The following LAPTM4B variants were observed in gnomAD, a reference collection of about 807,000 sequenced individuals.
LAPTM4B encodes lysosomal-associated transmembrane protein 4B.
Under a neutral mutation model 28.5 loss-of-function variants are expected in LAPTM4B, and 26 were observed. That is an observed-to-expected ratio of 0.91 (90% confidence interval 0.67 to 1.27). The LOEUF (loss-of-function observed/expected upper bound fraction) is 1.27, where lower values mean the gene tolerates loss of function less well. Ranked by LOEUF, LAPTM4B falls within the 50% of genes most tolerant of loss-of-function variation. The pLI is 0.00. For synonymous variants in LAPTM4B, 109 were observed against 106.4 expected (o/e 1.02, Z -0.15); for missense variants, 288 against 285.8 (o/e 1.01, Z -0.06).
At chr8:97,838,785 G>A (rs1432728782) in intron 6 of LAPTM4B, among the ~76,000 whole-genome samples, 1 of 152,178 alleles carries the variant, frequency 6.6e-6, no homozygotes, top group East Asian at 1.9e-4. Flanking sequence ...TTTAAAAGCA[G>A]TGGGATTTTC....
intron 6 of LAPTM4B, among the ~76,000 whole-genome samples, chr8:97,841,348 A>T (rs544418093): frequency 1.2e-3 from 187 of 152,272 alleles, no homozygotes; most frequent in Non-Finnish European, 1.1e-3. Flanking sequence ...TTTTTTTGAG[A>T]TGGAGTTTCA....
At chr8:97,801,335 A>G (rs1816676800) in intron 1 of LAPTM4B, among the ~76,000 whole-genome samples, 1 of 151,792 alleles carries the variant, frequency 6.6e-6, no homozygotes, top group Non-Finnish European at 1.5e-5. Context: ...GCACACACTA[A>G]CATGTCCAGC....
intron 6 of LAPTM4B, among the ~76,000 whole-genome samples, chr8:97,849,955 A>C (rs1817497943): frequency 6.6e-6 from 1 of 151,854 alleles, no homozygotes; most frequent in Admixed American, 6.5e-5. Context: ...GGCTCCCGGG[A>C]ACGGCTTCCC....
At chr8:97,843,540 G>A (rs896821754) in intron 6 of LAPTM4B, among the ~76,000 whole-genome samples, 2 of 152,126 alleles carry the variant, frequency 1.3e-5, no homozygotes, top group African/African-American at 4.8e-5. Flanking sequence ...CGTTTGGGGA[G>A]GCTGAAGCGA....
rs1816195487 is a variant in LAPTM4B, at chr8:97,775,816, G to T, written c.-194G>T. 1.1e-5 allele frequency: 17 copies of T among 1,565,276 alleles called. No individual in the cohort carries two copies. Among genetic ancestry groups the T allele is most frequent in the Non-Finnish European group, 1.4e-5 (16 of 1,162,284 alleles). ...CCCGCCGCTGCAGCGGTCGCCTTCG[G>T]AGCGAAGGGTACCGACCCGGCAGAA... On this transcript the variant is annotated 5_prime_UTR_variant, in exon 1 of 7. Coordinates refer to ENST00000521545, the MANE Select transcript of LAPTM4B (RefSeq NM_018407.6).
At chr8:97,807,020 G>A (rs759278941) in intron 2 of LAPTM4B, among the ~76,000 whole-genome samples, 1 of 152,050 alleles carries the variant, frequency 6.6e-6, no homozygotes, top group Non-Finnish European at 1.5e-5. Context: ...TGATTCTGAG[G>A]CCTCCCCAGC....
At chr8:97,828,805 C>T (rs890945570) in intron 6 of LAPTM4B, among the ~76,000 whole-genome samples, 2 of 152,166 alleles carry the variant, frequency 1.3e-5, no homozygotes, top group Admixed American at 6.5e-5. Context: ...ATAGAAGTTG[C>T]AAGGCCTGCT....
chr8:97,822,594 A>G (rs1028184805), intron 5 of LAPTM4B, among the ~76,000 whole-genome samples: 5 of 151,404 alleles, frequency 3.3e-5, no homozygotes, highest in African/African-American at 1.2e-4. Flanking sequence ...GTTCATCATT[A>G]CTAGTCATAT....
intron 6 of LAPTM4B, among the ~76,000 whole-genome samples, chr8:97,845,093 T>C (rs750941315): frequency 3.9e-5 from 6 of 152,208 alleles, no homozygotes; most frequent in Non-Finnish European, 8.8e-5. Flanking sequence ...TAGTCTGCTT[T>C]GCTAGTTGCT....
Position 97,802,535 on chromosome 8 carries a change from C to T in LAPTM4B, c.100-2818C>T, listed in dbSNP as rs570574036. 6.9e-4 allele frequency among the ~76,000 whole-genome samples: 105 copies of T among 152,162 alleles called. 1 individual carries two copies. In the South Asian group the frequency reaches 0.019, roughly 28 times the overall value. On this transcript the variant is annotated intron_variant, in intron 1 of 6. Coordinates refer to ENST00000521545, the MANE Select transcript of LAPTM4B (RefSeq NM_018407.6). ...CATCTTGGTTTTGATGGGTTTTGGC[C>T]GGCGTCTTTACCATCACCTGTTTTA...
chr8:97,782,942 A>AT (rs1387212764), intron 1 of LAPTM4B, among the ~76,000 whole-genome samples: 1 of 145,890 alleles, frequency 6.9e-6, no homozygotes, highest in Non-Finnish European at 1.5e-5. Flanking sequence ...TTATTTATTT[A>AT]TTTATTTTTT....
intron 5 of LAPTM4B, among the ~76,000 whole-genome samples, chr8:97,822,590 C>T (rs747065145): frequency 2.0e-5 from 3 of 150,844 alleles, no homozygotes; most frequent in Admixed American, 6.6e-5. Context: ...CCATGTTCAT[C>T]ATTACTAGTC....
At chr8:97,815,750 T>G (rs1816901774) in intron 3 of LAPTM4B, among the ~76,000 whole-genome samples, 1 of 152,110 alleles carries the variant, frequency 6.6e-6, no homozygotes, top group South Asian at 2.1e-4. Context: ...TATTTTTTAG[T>G]AGAGACGTGA....
chr8:97,788,905 A>T (rs1486620198), intron 1 of LAPTM4B, among the ~76,000 whole-genome samples: 1 of 151,818 alleles, frequency 6.6e-6, no homozygotes, highest in Admixed American at 6.6e-5. Flanking sequence ...CATGTTGACC[A>T]GGTTGGTCTC....
intron 5 of LAPTM4B, among the ~76,000 whole-genome samples, chr8:97,822,663 C>T (rs577277989): frequency 6.6e-6 from 1 of 151,554 alleles, no homozygotes; most frequent in African/African-American, 2.4e-5. Flanking sequence ...TGTATTTATA[C>T]AGACATTAAA....
At chr8:97,788,301 A>G in intron 1 of LAPTM4B, 1 of 388,676 alleles carries the variant, frequency 2.6e-6, no homozygotes, top group Non-Finnish European at 5.1e-6. Flanking sequence ...GGGGAATGGG[A>G]CATTTTTGCT....
At chr8:97,776,973 C>T (rs1816229791) in intron 1 of LAPTM4B, among the ~76,000 whole-genome samples, 2 of 151,956 alleles carry the variant, frequency 1.3e-5, no homozygotes, top group Admixed American at 6.6e-5. Context: ...GTTGGTGGCA[C>T]CCCTAGACTG....
At chr8:97,823,083 C>T (rs879308265) in intron 5 of LAPTM4B, among the ~76,000 whole-genome samples, 12 of 152,146 alleles carry the variant, frequency 7.9e-5, no homozygotes, top group South Asian at 2.1e-4. Flanking sequence ...CTTTGTGATC[C>T]GCCCACCTCG....
intron 6 of LAPTM4B, among the ~76,000 whole-genome samples, chr8:97,839,016 T>G (rs1456721159): frequency 6.6e-6 from 1 of 152,198 alleles, no homozygotes; most frequent in Non-Finnish European, 1.5e-5. Context: ...CAGATAGACT[T>G]ACCTGTTGGT....
Sources: allele counts gnomAD v4.1 joint callset (sites outside exome capture counted in the v4.1 genomes callset), GRCh38; gene constraint gnomAD v4.1.1; transcripts MANE v1.5; gene names NCBI Gene and HGNC (gene_info 2026-07-23, HGNC 2026-07-21).